The following TANC2 variants were observed in gnomAD, a reference collection of about 807,000 sequenced individuals.
The protein encoded by TANC2 is protein TANC2.
TANC2 carries 26 observed loss-of-function variants against 210.5 expected under a neutral mutation model. That is an observed-to-expected ratio of 0.12 (90% CI 0.09 to 0.17). The LOEUF (loss-of-function observed/expected upper bound fraction) is 0.17. Among genes scored for constraint, TANC2 ranks in the 10% least tolerant of loss-of-function variants. TANC2 has a pLI of 1.00. For missense variants in TANC2, 2,129 were observed against 2,608.9 expected, an observed-to-expected ratio of 0.82 and a Z score of 4.01; for synonymous variants, 931 against 967.1, an observed-to-expected ratio of 0.96 and a Z score of 0.69.
At chr17:63,061,535 GTA>G (rs1361587288) in intron 2 of TANC2, among the ~76,000 whole-genome samples, 1 of 152,066 alleles carries the variant, frequency 6.6e-6, no homozygotes, top group Non-Finnish European at 1.5e-5. Context: ...ATAGTTTCAA[GTA>G]TGTGTGTGTG....
intron 26 of TANC2, among the ~76,000 whole-genome samples, chr17:63,416,032 T>G (rs1188710864): frequency 6.6e-6 from 1 of 152,144 alleles, no homozygotes; most frequent in African/African-American, 2.4e-5. Context: ...AGATGTGAAT[T>G]GTAGTCATTA....
intron 2 of TANC2, among the ~76,000 whole-genome samples, chr17:63,030,577 C>T (rs1274245210): frequency 2.0e-5 from 3 of 151,780 alleles, no homozygotes; most frequent in Non-Finnish European, 4.4e-5. Flanking sequence ...AGACAGACAC[C>T]CCATGCCACC....
intron 14 of TANC2, among the ~76,000 whole-genome samples, chr17:63,373,718 G>A (rs1339821956): frequency 1.3e-5 from 2 of 152,122 alleles, no homozygotes; most frequent in Non-Finnish European, 2.9e-5. Context: ...CAGTGACTCA[G>A]GCCTGTAATC....
In TANC2 at chr17:63,406,346, C is replaced by G; in HGVS notation, c.3589+69C>G. 3 of 1,589,886 alleles carry G rather than the reference C, an allele frequency of 1.9e-6. No homozygotes were observed. The South Asian group carries it at 3.3e-5, about 18-fold the overall frequency. ...TACCTGGTGAACTCATGATTTCCAG[C>G]AATGGATCCCAGGAGATGCTAAGAA... On this transcript the variant is annotated intron_variant, in intron 21 of 27. Transcript: ENST00000689528.
At chr17:63,293,247 AAGT>A (rs1567888882) in intron 9 of TANC2, among the ~76,000 whole-genome samples, 1 of 152,148 alleles carries the variant, frequency 6.6e-6, no homozygotes, top group Non-Finnish European at 1.5e-5. Context: ...CTATGGCCTT[AAGT>A]ATTAAGAAAA....
chr17:63,054,433 G>C (rs993133792), intron 2 of TANC2, among the ~76,000 whole-genome samples: 1 of 151,986 alleles, frequency 6.6e-6, no homozygotes, highest in Non-Finnish European at 1.5e-5. Flanking sequence ...GTATAGTGGC[G>C]CGATCTCGGC....
rs539926528 is a variant in TANC2, at chr17:63,176,576, C to T, written c.434-17415C>T. 1.1e-4 allele frequency among the ~76,000 whole-genome samples: 16 copies of T among 151,714 alleles called. No homozygotes were observed. In the East Asian group the frequency reaches 1.4e-3, roughly 13 times the overall value. ...ATCCCAGCACTTTGGGAGGCTGAGG[C>T]GGACGGATCACAAGGTCAGAAGATC... On this transcript the variant is annotated intron_variant, in intron 5 of 27. Coordinates refer to ENST00000689528, the Ensembl canonical transcript of TANC2.
chr17:63,319,973 A>G (rs1567911932), intron 11 of TANC2, among the ~76,000 whole-genome samples: 1 of 152,136 alleles, frequency 6.6e-6, no homozygotes, highest in Non-Finnish European at 1.5e-5. Flanking sequence ...TAGTTTACAA[A>G]TTATCTATTG....
At chr17:63,220,274 G>A (rs1459088595) in intron 7 of TANC2, among the ~76,000 whole-genome samples, 1 of 150,772 alleles carries the variant, frequency 6.6e-6, no homozygotes, top group Admixed American at 6.6e-5. Flanking sequence ...CAACCTGGGT[G>A]ACAGAGCAAG....
chr17:63,216,995 G>C (rs969792571), intron 7 of TANC2, among the ~76,000 whole-genome samples: 4 of 152,126 alleles, frequency 2.6e-5, no homozygotes, highest in Non-Finnish European at 4.4e-5. Context: ...TCAAAAGAAG[G>C]TGGAAATTTA....
At chr17:63,209,943 A>G (rs528570867) in intron 7 of TANC2, among the ~76,000 whole-genome samples, 2 of 152,358 alleles carry the variant, frequency 1.3e-5, no homozygotes, top group East Asian at 3.9e-4. Flanking sequence ...TGTAAACTAC[A>G]TTAATTTTTC....
intron 7 of TANC2, among the ~76,000 whole-genome samples, chr17:63,208,424 C>T (rs939195907): frequency 3.3e-5 from 5 of 152,238 alleles, no homozygotes; most frequent in South Asian, 4.1e-4. Context: ...TAATTACAAC[C>T]GCTATAAGTC....
At chr17:63,171,834 A>G (rs2040415163) in intron 5 of TANC2, among the ~76,000 whole-genome samples, 1 of 152,244 alleles carries the variant, frequency 6.6e-6, no homozygotes, top group African/African-American at 2.4e-5. Context: ...TGTGGAACAG[A>G]AAGCTGCCCT....
rs190514854 is a variant in TANC2 at position 63,311,332 on chromosome 17, A to G, written c.1160-3056A>G. On this transcript the variant is annotated intron_variant, in intron 9 of 27. Coordinates refer to ENST00000689528, the Ensembl canonical transcript of TANC2. ...TATAGATTTATGTTTTATCATGTAG[A>G]GAGATGTTCACATTACATTGCTAGG... Among the ~76,000 whole-genome samples the G allele has an allele frequency of 5.2e-4, 79 of 152,340 alleles. 1 individual carries two copies. Among genetic ancestry groups the G allele is most frequent in the South Asian group, 1.7e-3 (8 of 4,826 alleles).
rs1567787093 is a variant in TANC2, at chr17:63,175,536, A to ACC, written c.434-18455_434-18454insCC. On this transcript the variant is annotated intron_variant, in intron 5 of 27. Coordinates refer to ENST00000689528, the Ensembl canonical transcript of TANC2. ...AGTGAGACCCTGTCTCCCCCGCCAA[A>ACC]AAAAAAAAAAAAAAAAAAAGATTTA... Among the ~76,000 whole-genome samples the ACC allele has an allele frequency of 5.2e-3, 416 of 79,388 alleles. 10 individuals are homozygous for ACC. The highest frequency in any genetic ancestry group is 0.024 in the African/African-American group (331 of 13,548). 52.1% of individuals were successfully genotyped at this position (79,388 alleles called of 152,430 possible).
At chr17:63,096,973 A>G (rs895307319) in intron 3 of TANC2, among the ~76,000 whole-genome samples, 1 of 150,156 alleles carries the variant, frequency 6.7e-6, no homozygotes, top group African/African-American at 2.4e-5. Flanking sequence ...GTTGAGCTAC[A>G]TTACATGTTC....
At chr17:63,404,733 C>G (rs374916675) in intron 19 of TANC2, among the ~76,000 whole-genome samples, 1 of 151,628 alleles carries the variant, frequency 6.6e-6, no homozygotes, top group African/African-American at 2.4e-5. Context: ...AAAAAAAAAA[C>G]TTTTTATCTC....
intron 2 of TANC2, among the ~76,000 whole-genome samples, chr17:63,027,112 T>A (rs2034583321): frequency 6.6e-6 from 1 of 152,186 alleles, no homozygotes; most frequent in Admixed American, 6.5e-5. Context: ...TAGTACTGAT[T>A]GAAGTTTCCC....
At chr17:63,121,411 T>C (rs2038470699) in intron 4 of TANC2, among the ~76,000 whole-genome samples, 1 of 152,086 alleles carries the variant, frequency 6.6e-6, no homozygotes, top group Non-Finnish European at 1.5e-5. Flanking sequence ...AGCATTCTCT[T>C]AGTCTTTGAT....
Sources: allele counts gnomAD v4.1 joint callset (sites outside exome capture counted in the v4.1 genomes callset), GRCh38; gene constraint gnomAD v4.1.1; transcripts MANE v1.5; gene names NCBI Gene and HGNC (gene_info 2026-07-23, HGNC 2026-07-21).